The following TNPO3 variants were observed in gnomAD, a reference collection of about 807,000 sequenced individuals.
TNPO3 encodes transportin-3.
TNPO3 carries 65 observed loss-of-function variants against 122.8 expected under a neutral mutation model. That is an observed-to-expected ratio of 0.53 (90% CI 0.43 to 0.65). The LOEUF is 0.65. TNPO3 is among the 30% of genes least tolerant of loss of function. The pLI, the probability that TNPO3 is intolerant of heterozygous loss-of-function variation, is 0.00. For synonymous variants in TNPO3, 372 were observed against 411.2 expected, an observed-to-expected ratio of 0.90 and a Z score of 1.15; for missense variants, 850 against 1,136.7, an observed-to-expected ratio of 0.75 and a Z score of 3.63.
At chr7:129,016,452 T>C (rs1014063078) in intron 3 of TNPO3, among the ~76,000 whole-genome samples, 1 of 152,184 alleles carries the variant, frequency 6.6e-6, no homozygotes, top group Non-Finnish European at 1.5e-5. Flanking sequence ...ACACACTATA[T>C]TGGAGGTAAA....
intron 10 of TNPO3, 131 bp downstream of exon 10, chr7:128,991,868 C>T (rs1800778988): frequency 2.0e-6 from 1 of 490,602 alleles, no homozygotes; most frequent in African/African-American, 2.0e-5. Context: ...AGTCAGAAGA[C>T]TAGACGGCAC....
At chr7:128,973,105 G>A (rs1376118068) in intron 18 of TNPO3, among the ~76,000 whole-genome samples, 1 of 152,052 alleles carries the variant, frequency 6.6e-6, no homozygotes, top group Non-Finnish European at 1.5e-5. Flanking sequence ...CAGTCAAAAG[G>A]ACCTACAAGT....
In TNPO3 at chr7:128,986,827, C is replaced by T. The variant is rs767338890; in HGVS notation, c.1592G>A (p.Arg531Gln). 59 of 1,613,950 alleles carry T rather than the reference C, an allele frequency of 3.7e-5. No individual in the cohort carries two copies. The highest frequency in any genetic ancestry group is 4.7e-5 in the Non-Finnish European group (56 of 1,180,002). Reference sequence around the variant, plus strand: ...ATTAAAGTGCTGAGCCATGTGATCTCGGCAGACAGAGCAAATGTTATGAAT... The same window carrying T: ...ATTAAAGTGCTGAGCCATGTGATCTTGGCAGACAGAGCAAATGTTATGAAT... ...KAIHNICSVC[R>Q]DHMAQHFNGL... Residue 531 changes from arginine (R) to glutamine (Q), a missense_variant, in exon 12 of 23, where the codon CGA becomes CAA. Coordinates refer to ENST00000265388, the MANE Select transcript of TNPO3 (RefSeq NM_012470.4).
chr7:129,016,751 A>C (rs1021067184), intron 3 of TNPO3, among the ~76,000 whole-genome samples: 5 of 152,270 alleles, frequency 3.3e-5, no homozygotes, highest in African/African-American at 1.2e-4. Context: ...GCTGCAATTA[A>C]TTCAAGAAGT....
At chr7:128,957,904 G>C (rs2128975472) in intron 21 of TNPO3, among the ~76,000 whole-genome samples, 1 of 152,276 alleles carries the variant, frequency 6.6e-6, no homozygotes, top group African/African-American at 2.4e-5. Flanking sequence ...AGAGGAAAGG[G>C]TTAAAGCATG....
intron 21 of TNPO3, among the ~76,000 whole-genome samples, chr7:128,963,311 A>C (rs967058800): frequency 6.6e-6 from 1 of 152,184 alleles, no homozygotes; most frequent in African/African-American, 2.4e-5. Context: ...CTAGGTTCCC[A>C]TTTGCTTTAG....
At chr7:128,955,971 A>T (rs192443779) in intron 22 of TNPO3, among the ~76,000 whole-genome samples, 73 of 152,340 alleles carry the variant, frequency 4.8e-4, no homozygotes, top group African/African-American at 1.8e-3. Flanking sequence ...AAAAATAGTA[A>T]CAAATCCAGA....
chr7:128,988,147 C>T (rs1461203147), intron 11 of TNPO3, among the ~76,000 whole-genome samples: 1 of 151,522 alleles, frequency 6.6e-6, no homozygotes, highest in African/African-American at 2.4e-5. Context: ...GCTAATTTTC[C>T]TGTATTTTTA....
At position 129,048,126 on chromosome 7, in the gene TNPO3, G is replaced by A. The variant is rs115374568; in HGVS notation, c.120+6525C>T. Among the ~76,000 whole-genome samples the A allele has an allele frequency of 5.1e-3, 783 of 152,300 alleles. 8 individuals carry two copies. The highest frequency in any genetic ancestry group is 0.018 in the African/African-American group (757 of 41,562). On this transcript the variant is annotated intron_variant, in intron 1 of 22. Transcript: ENST00000265388. ...AGTCCCAGCTGTCCAAGAGGCTGAG[G>A]TGGGAAGATCACCTGAACCCAGGCT...
intron 1 of TNPO3, among the ~76,000 whole-genome samples, chr7:129,028,392 T>C (rs1584582852): frequency 6.6e-6 from 1 of 152,006 alleles, no homozygotes; most frequent in African/African-American, 2.4e-5. Flanking sequence ...ACTGTATATA[T>C]GCTTACATTA....
chr7:129,051,887 G>A (rs577699488), intron 1 of TNPO3, among the ~76,000 whole-genome samples: 3 of 152,164 alleles, frequency 2.0e-5, no homozygotes, highest in Admixed American at 1.3e-4. Flanking sequence ...CAAGCGATCC[G>A]CCCGCCTCAG....
rs1447809285 is a variant in TNPO3 at position 128,982,264 on chromosome 7, G to A, written c.1843C>T (p.Leu615Phe). The A allele has an allele frequency of 6.2e-7, 1 of 1,613,064 alleles. No individual in the cohort carries two copies. Among genetic ancestry groups the A allele is most frequent in the Admixed American group, 1.7e-5 (1 of 59,970 alleles). Reference protein sequence around the residue: ...SSDPTVFLDRLAVIFRHTNPI... With the variant: ...SSDPTVFLDRFAVIFRHTNPI... The stretch of plus-strand genomic sequence containing the variant: ...CTTTCTTACCTAAATATCACTGCAA[G>A]GCGATCTAAGAACACTGTGGGATCT... Residue 615 changes from leucine (L) to phenylalanine (F), a missense_variant, in exon 14 of 23, where the codon CTT (leucine) becomes TTT (phenylalanine). Coordinates refer to ENST00000265388, the MANE Select transcript of TNPO3 (RefSeq NM_012470.4).
intron 1 of TNPO3, among the ~76,000 whole-genome samples, chr7:129,043,480 T>C (rs532781750): frequency 6.6e-6 from 1 of 152,314 alleles, no homozygotes; most frequent in South Asian, 2.1e-4. Context: ...CAGTGGGGTC[T>C]TCCCGGATTC....
At chr7:129,005,267 C>A in intron 4 of TNPO3, 108 bp from the exon 5 acceptor site, 1 of 1,098,838 alleles carries the variant, frequency 9.1e-7, no homozygotes, top group Non-Finnish European at 1.3e-6. Flanking sequence ...ATAAAACAGC[C>A]AACGGTTAAA....
intron 1 of TNPO3, among the ~76,000 whole-genome samples, chr7:129,047,990 G>A (rs1191602898): frequency 6.6e-6 from 1 of 152,186 alleles, no homozygotes; most frequent in Non-Finnish European, 1.5e-5. Context: ...GGAGTCTGAG[G>A]TGAGAGAAGT....
chr7:129,000,680 T>C (rs187579758), intron 6 of TNPO3, 113 bp from the exon 7 acceptor site: 1 of 1,071,726 alleles, frequency 9.3e-7, no homozygotes, highest in African/African-American at 1.6e-5. Flanking sequence ...GGACATCTAG[T>C]GATTATTTAC....
chr7:128,964,756 G>A (rs1008454701), intron 21 of TNPO3, among the ~76,000 whole-genome samples: 5 of 152,104 alleles, frequency 3.3e-5, no homozygotes, highest in African/African-American at 4.8e-5. Flanking sequence ...ATAGACCAAT[G>A]GAATAGAACA....
intron 19 of TNPO3, 69 bp downstream of exon 19, chr7:128,972,357 T>C (rs1798575854): frequency 5.3e-6 from 8 of 1,518,850 alleles, no homozygotes; most frequent in Middle Eastern, 3.6e-4. Context: ...GCTGGTTTTC[T>C]CCTAAGGAAT....
chr7:128,980,345 C>G (rs965992876), intron 14 of TNPO3, among the ~76,000 whole-genome samples: 3 of 152,190 alleles, frequency 2.0e-5, no homozygotes, highest in Non-Finnish European at 4.4e-5. Context: ...TGGTGGCTCA[C>G]GCCTGTAATC....
Sources: gnomAD v4.1 joint callset for allele counts (sites outside exome capture counted in the v4.1 genomes callset) on GRCh38, gnomAD v4.1.1 for gene constraint, MANE v1.5 for transcripts, NCBI Gene and HGNC (gene_info 2026-07-23, HGNC 2026-07-21) for gene names.